Variants in C1QTNF1 observed in about 807,000 individuals in gnomAD.
The protein encoded by C1QTNF1 is complement C1q tumor necrosis factor-related protein 1.
C1QTNF1 carries 22 observed loss-of-function variants against 27.8 expected under a neutral mutation model. The observed-to-expected ratio is 0.79, with a 90% CI of 0.56 to 1.13. C1QTNF1 has a LOEUF of 1.13. Ranked by LOEUF, C1QTNF1 falls within the 50% of genes most tolerant of loss-of-function variation. The pLI, the probability that C1QTNF1 is intolerant of heterozygous loss-of-function variation, is 0.00. For missense variants in C1QTNF1, 373 were observed against 380.2 expected, an observed-to-expected ratio of 0.98 and a Z score of 0.16; for synonymous variants, 166 against 154.3, an observed-to-expected ratio of 1.08 and a Z score of -0.56.
At chr17:79,038,050 C>T (rs977972998) in intron 1 of C1QTNF1, among the ~76,000 whole-genome samples, 3 of 151,356 alleles carry the variant, frequency 2.0e-5, no homozygotes, top group Non-Finnish European at 4.4e-5. Context: ...AGTGCAGTGG[C>T]GCGATCTTGG....
intron 1 of C1QTNF1, among the ~76,000 whole-genome samples, chr17:79,037,915 ACC>A (rs2072302041): frequency 6.6e-6 from 1 of 151,562 alleles, no homozygotes; most frequent in Non-Finnish European, 1.5e-5. Context: ...CAAGCAATCT[ACC>A]CACCTTGGCC....
intron 1 of C1QTNF1, chr17:79,043,729 A>G (rs1599303880): frequency 1.6e-6 from 1 of 643,182 alleles, no homozygotes; most frequent in Middle Eastern, 2.4e-4. Context: ...ATGTGTGTGC[A>G]TGTGCGTGTG....
chr17:79,042,532 GC>G (rs2072441477), intron 1 of C1QTNF1, among the ~76,000 whole-genome samples: 2 of 152,342 alleles, frequency 1.3e-5, no homozygotes, highest in East Asian at 3.9e-4. Flanking sequence ...AAGGACACCT[GC>G]TGATGCGCCG....
chr17:79,034,943 G>A (rs2072230965), intron 1 of C1QTNF1, among the ~76,000 whole-genome samples: 1 of 152,174 alleles, frequency 6.6e-6, no homozygotes. Flanking sequence ...GAGGGAAAGA[G>A]GGAGAGTCTG....
intron 1 of C1QTNF1, among the ~76,000 whole-genome samples, chr17:79,030,881 G>A (rs1054188112): frequency 2.6e-5 from 4 of 151,962 alleles, no homozygotes; most frequent in South Asian, 2.1e-4. Flanking sequence ...GATTACAGGC[G>A]TGAGCTACTG....
intron 1 of C1QTNF1, among the ~76,000 whole-genome samples, chr17:79,035,418 G>A (rs369040160): frequency 1.0e-4 from 15 of 147,110 alleles, no homozygotes; most frequent in African/African-American, 3.9e-4. Context: ...GAGTGTTTGA[G>A]TTCTGGGCTG....
intron 1 of C1QTNF1, among the ~76,000 whole-genome samples, chr17:79,030,559 CTT>C (rs2072113877): frequency 1.6e-5 from 2 of 125,124 alleles, no homozygotes; most frequent in Non-Finnish European, 3.5e-5. Context: ...TCTTTCCTCT[CTT>C]TCTCTCTCTC....
At chr17:79,044,582 A>T (rs1478314941) in intron 2 of C1QTNF1, among the ~76,000 whole-genome samples, 2 of 152,192 alleles carry the variant, frequency 1.3e-5, no homozygotes, top group Non-Finnish European at 2.9e-5. Flanking sequence ...ACACTGCAGG[A>T]CAGGAGAGGA....
rs761523241 is a variant in C1QTNF1, at chr17:79,044,169, A to G, written c.155+46A>G. ...AATAGCAGGAGCTCTGGCTCTGGCC[A>G]GGCTGAGCCTGGGCCTTGGGGCCCC... is the stretch of plus-strand genomic sequence containing the variant. On this transcript the variant is annotated intron_variant, in intron 2 of 3. Transcript: ENST00000579760. 2.6e-6 allele frequency: 4 copies of G among 1,524,148 alleles called. No homozygotes were observed. In the South Asian group the frequency reaches 3.8e-5, roughly 14 times the overall value. The allele number at this position is 1,524,148 out of a possible 1,614,324, so 94.4% of individuals were successfully genotyped here. A position where few individuals can be genotyped will look rare whatever the true frequency, so the allele number is the denominator to read the frequency against.
At chr17:79,036,680 G>T (rs913928893) in intron 1 of C1QTNF1, among the ~76,000 whole-genome samples, 2 of 152,166 alleles carry the variant, frequency 1.3e-5, no homozygotes, top group African/African-American at 4.8e-5. Flanking sequence ...AATTGGGTAC[G>T]TGTCTGTTTC....
In C1QTNF1 at chr17:79,038,600, G is replaced by A. The variant is rs549172743; in HGVS notation, c.-14-5355G>A. ...TGCTGGAACTGTCTTCAGTTGCCTT[G>A]CCTGCGATGAGGCCTGGAGACTGGG... is the stretch of plus-strand genomic sequence containing the variant. On this transcript the variant is annotated intron_variant, in intron 1 of 3. Transcript: ENST00000579760. Among the ~76,000 whole-genome samples the A allele has an allele frequency of 3.3e-5, 5 of 152,328 alleles. No homozygotes were observed. The South Asian group carries it at 1.0e-3, about 32-fold the overall frequency.
chr17:79,045,902 G>A (rs1486980273), intron 2 of C1QTNF1, among the ~76,000 whole-genome samples: 1 of 152,098 alleles, frequency 6.6e-6, no homozygotes, highest in Non-Finnish European at 1.5e-5. Flanking sequence ...ATAGTCTGGG[G>A]TGCAGAAGTG....
intron 1 of C1QTNF1, among the ~76,000 whole-genome samples, chr17:79,030,261 A>G (rs1322359986): frequency 6.6e-6 from 1 of 152,072 alleles, no homozygotes; most frequent in East Asian, 1.9e-4. Context: ...CTGTATTTTC[A>G]TCACCGCAGA....
At position 79,047,613 on chromosome 17, in the gene C1QTNF1, A is replaced by G; in HGVS notation, c.371A>G (p.His124Arg). The change falls in exon 4 of 4, where the codon CAC becomes CGC. Residue 124 changes from histidine to arginine, a missense_variant. By Grantham distance (29) the His-to-Arg change is conservative. Transcript: ENST00000579760. ...ACAGGCTCAGCAGGGGCCAGGGGCC[A>G]CACTGGACCCAAAGGGCAGAAGGGC... ...GKTGSAGARG[H>R]TGPKGQKGSM... is the part of the protein sequence containing the mutation. 1 of 1,583,158 alleles carries G rather than the reference A, an allele frequency of 6.3e-7. No individual in the cohort carries two copies. Among genetic ancestry groups the G allele is most frequent in the Non-Finnish European group, 8.6e-7 (1 of 1,163,128 alleles).
At chr17:79,038,835 C>G (rs1231151501) in intron 1 of C1QTNF1, among the ~76,000 whole-genome samples, 1 of 152,224 alleles carries the variant, frequency 6.6e-6, no homozygotes, top group Non-Finnish European at 1.5e-5. Flanking sequence ...CCAAAAGTGA[C>G]TAAAATGATC....
rs1289673673 is a variant in C1QTNF1 at position 79,047,646 on chromosome 17, G to A, written c.404G>A (p.Gly135Glu). The change falls in exon 4 of 4, where the codon GGG (glycine) becomes GAG (glutamate). Residue 135 changes from glycine (G) to glutamate (E), a missense_variant. Transcript: ENST00000579760. ...CCCAAAGGGCAGAAGGGCTCCATGG[G>A]GGCCCCTGGGGAGCGGTGCAAGAGC... is the stretch of plus-strand genomic sequence containing the variant. Reference protein sequence around the residue: ...TGPKGQKGSMGAPGERCKSHY... With the variant: ...TGPKGQKGSMEAPGERCKSHY... 2.5e-6 allele frequency: 4 copies of A among 1,607,502 alleles called. No homozygotes were observed. The highest frequency in any genetic ancestry group is 3.4e-6 in the Non-Finnish European group (4 of 1,175,446).
chr17:79,046,842 G>A lies in C1QTNF1; in HGVS notation c.295+148G>A. ...AGAGGCAGGCAGGCTGTCATCTAGA[G>A]GGGAAGGCACAGGAAATTCTGATTT... On this transcript the variant is annotated intron_variant, in intron 3 of 3. Transcript: ENST00000579760. This position sits in a 1 kb window ranked among gnomAD's most constrained non-coding sequence, Gnocchi z 4.8. 1 of 1,060,074 alleles carries A rather than the reference G, an allele frequency of 9.4e-7. No homozygotes were observed. The highest frequency in any genetic ancestry group is 1.3e-6 in the Non-Finnish European group (1 of 747,714). 65.7% of individuals were successfully genotyped at this position (1,060,074 alleles called of 1,614,324 possible). A position where few individuals can be genotyped will look rare whatever the true frequency, so the allele number is the denominator to read the frequency against.
At position 79,048,068 on chromosome 17, in the gene C1QTNF1, A is replaced by G; in HGVS notation, c.826A>G (p.Lys276Glu). ...CATCACCTTCAGTGGCTACCTGGTCAAGCACGCCACCGAGCCCTAGCTGGC... is the reference window on the plus strand; with the variant it reads ...CATCACCTTCAGTGGCTACCTGGTCGAGCACGCCACCGAGCCCTAGCTGGC... The part of the protein sequence containing the change: ...TYITFSGYLV[K>E]HATEP Residue 276 changes from lysine to glutamate, a missense_variant, in exon 4 of 4, where the codon AAG (lysine) becomes GAG (glutamate). Physicochemically the swap from Lys to Glu is moderately conservative, Grantham distance 56 (BLOSUM62 1). Coordinates refer to ENST00000579760, the MANE Select transcript of C1QTNF1 (RefSeq NM_030968.5). 1 of 1,571,878 alleles carries G rather than the reference A, an allele frequency of 6.4e-7. No homozygotes were observed. The highest frequency in any genetic ancestry group is 2.2e-5 in the East Asian group (1 of 44,574).
chr17:79,029,906 C>T (rs181864739), intron 1 of C1QTNF1, among the ~76,000 whole-genome samples: 4 of 152,304 alleles, frequency 2.6e-5, no homozygotes, highest in Non-Finnish European at 2.9e-5. Context: ...TTCCGTTCGT[C>T]CCAAGAATCC....
Sources: gnomAD v4.1 joint callset for allele counts (sites outside exome capture counted in the v4.1 genomes callset) on GRCh38, gnomAD v4.1.1 for gene constraint, Gnocchi (gnomAD v3.1) non-coding constraint, MANE v1.5 for transcripts, NCBI Gene and HGNC (gene_info 2026-07-23, HGNC 2026-07-21) for gene names.